CNOT3: variants seen among roughly 807,000 people sequenced by gnomAD.
CNOT3 encodes CCR4-NOT transcription complex subunit 3.
CNOT3 carries 2 observed loss-of-function variants against 89.4 expected under a neutral mutation model. The observed-to-expected ratio is 0.02, with a 90% CI of 0.01 to 0.07. CNOT3 has a LOEUF of 0.07. CNOT3 is among the 10% of genes least tolerant of loss of function. The pLI is 1.00. For missense variants in CNOT3, 664 were observed against 1,010.2 expected, an observed-to-expected ratio of 0.66 and a Z score of 4.65; for synonymous variants, 486 against 402.0, an observed-to-expected ratio of 1.21 and a Z score of -2.50.
chr19:54,142,812 C>G, intron 1 of CNOT3, 117 bp from the exon 2 acceptor site: 1 of 686,166 alleles, frequency 1.5e-6, no homozygotes. Context: ...TGTCAGATAG[C>G]AAATGCTTCT....
At chr19:54,142,840 C>A (rs1450094312) in intron 1 of CNOT3, 89 bp from the exon 2 acceptor site, 4 of 824,304 alleles carry the variant, frequency 4.9e-6, no homozygotes, top group South Asian at 2.8e-5. Context: ...ACCAGTCCCA[C>A]CTACCTCACT....
Position 54,152,864 on chromosome 19 carries a change from C to A in CNOT3, c.1905-3C>A. 1 of 1,397,566 alleles carries A rather than the reference C, an allele frequency of 7.2e-7. No individual in the cohort carries two copies. 86.6% of individuals were successfully genotyped at this position (1,397,566 alleles called of 1,614,324 possible). ...GGCACTGACCTTCCTGTTGCTCTCA[C>A]AGGCAGTACCTCCCCCGGAACCCCT... On this transcript the variant is annotated splice_polypyrimidine_tract_variant and splice_region_variant and intron_variant, in intron 15 of 17. Coordinates refer to ENST00000221232, the MANE Select transcript of CNOT3 (RefSeq NM_014516.4).
chr19:54,139,164 G>A (rs1257949637), intron 1 of CNOT3, among the ~76,000 whole-genome samples: 5 of 152,114 alleles, frequency 3.3e-5, no homozygotes, highest in Admixed American at 6.5e-5. Context: ...CACCCACCCC[G>A]GGGTGAGCTC....
chr19:54,146,635 C>A lies in CNOT3; in HGVS notation c.872C>A (p.Ser291Tyr). 6.4e-7 allele frequency: 1 copy of A among 1,569,908 alleles called. No homozygotes were observed. The highest frequency in any genetic ancestry group is 8.8e-7 in the Non-Finnish European group (1 of 1,139,802). ...NSEDDKKRGR[S>Y]TDSEVSQSPA... ...GAAGATGATAAGAAGAGGGGACGTT[C>A]CACAGACAGTGAAGTCAGCCAGGTG... The change falls in exon 10 of 18, where the codon TCC (serine) becomes TAC (tyrosine). Residue 291 changes from serine to tyrosine, a missense_variant. Ser to Tyr is a moderately radical substitution (Grantham distance 144, BLOSUM62 -2). Coordinates refer to ENST00000221232, the MANE Select transcript of CNOT3 (RefSeq NM_014516.4).
chr19:54,140,508 C>T (rs1395868264), intron 1 of CNOT3, among the ~76,000 whole-genome samples: 1 of 152,168 alleles, frequency 6.6e-6, no homozygotes, highest in African/African-American at 2.4e-5. Context: ...GACTCAGGCT[C>T]CAGCTTCCCT....
chr19:54,143,789 T>G, intron 5 of CNOT3, 40 bp downstream of exon 5: 1 of 1,590,048 alleles, frequency 6.3e-7, no homozygotes, highest in Middle Eastern at 1.8e-4. Context: ...GGTGGGAAGG[T>G]CACCAGATTC....
chr19:54,150,955 T>C (rs888213841), intron 13 of CNOT3, among the ~76,000 whole-genome samples: 1 of 151,964 alleles, frequency 6.6e-6, no homozygotes, highest in Non-Finnish European at 1.5e-5. Context: ...CACGCCAGGC[T>C]AATTTTTATA....
Position 54,145,171 on chromosome 19 carries a change from C to A in CNOT3, c.484-427C>A, listed in dbSNP as rs2074609562. On this transcript the variant is annotated intron_variant, in intron 7 of 17. Coordinates refer to ENST00000221232, the MANE Select transcript of CNOT3 (RefSeq NM_014516.4). The surrounding 1 kb of genome is among the most constrained non-coding windows in gnomAD (Gnocchi z 5.9). Reference sequence around the variant, plus strand: ...AGATATCACAATTCTAAACAGCAAGCTCCTCACAAATGGGGGTTATCATTG... The same window carrying A: ...AGATATCACAATTCTAAACAGCAAGATCCTCACAAATGGGGGTTATCATTG... Among the ~76,000 whole-genome samples the A allele has an allele frequency of 1.3e-5, 2 of 152,092 alleles. No individual in the cohort carries two copies. The highest frequency in any genetic ancestry group is 4.8e-5 in the African/African-American group (2 of 41,402).
chr19:54,154,144 G>A, intron 17 of CNOT3: 1 of 587,154 alleles, frequency 1.7e-6, no homozygotes. Context: ...ACTCGCCTGG[G>A]GTGTGGGATT....
intron 9 of CNOT3, 109 bp from the exon 10 acceptor site, chr19:54,146,492 C>A: frequency 1.3e-6 from 1 of 747,456 alleles, no homozygotes; most frequent in South Asian, 1.5e-5. Flanking sequence ...GCTCTGGGGC[C>A]GCAATGGCAG....
chr19:54,143,350 G>GT, intron 3 of CNOT3, 92 bp from the exon 4 acceptor site: 8 of 1,342,172 alleles, frequency 6.0e-6, no homozygotes, highest in Non-Finnish European at 7.4e-6. Context: ...GTTGGGGGGG[G>GT]TCCTCGAGTC....
chr19:54,142,722 A>G (rs1355422548), intron 1 of CNOT3: 9 of 591,446 alleles, frequency 1.5e-5, no homozygotes, highest in African/African-American at 3.7e-5. Context: ...TCTTGTTTCA[A>G]CAAACTTATG....
At chr19:54,153,535 C>T (rs376957148) in intron 16 of CNOT3, 180 bp from the exon 17 acceptor site, 4 of 779,068 alleles carry the variant, frequency 5.1e-6, no homozygotes, top group Non-Finnish European at 4.8e-6. Context: ...TCTCATTTTC[C>T]TTCTCCTGAT....
rs755451889 is a variant in CNOT3, at chr19:54,154,082, A to G, written c.2163+242A>G. The stretch of plus-strand genomic sequence containing the variant: ...AGCCCAAATGTCCCTTCCTCAAAGA[A>G]ACCTTCCTGGAGCCACCCAGCCCAG... On this transcript the variant is annotated intron_variant, in intron 17 of 17. Transcript: ENST00000221232. The G allele has an allele frequency of 2.6e-5, 18 of 700,160 alleles. No individual in the cohort carries two copies. In the East Asian group the frequency reaches 4.2e-4, roughly 16 times the overall value. 43.4% of individuals were successfully genotyped at this position (700,160 alleles called of 1,614,324 possible).
intron 16 of CNOT3, chr19:54,153,451 CCT>C (rs2075250976): frequency 1.3e-6 from 1 of 774,784 alleles, no homozygotes; most frequent in South Asian, 1.4e-5. Context: ...TAAATTGCCT[CCT>C]CTCTCAGCTC....
rs748810728 is a variant in CNOT3, at chr19:54,145,780, C to T, written c.666C>T (p.Asn222=). ...CCCAGGACCCCGACTTCGAGGAGAA[C>T]GAGTTTCTCTACGATGACCTGGACC... ...DSSQDPDFEE[N]EFLYDDLDLE... The change falls in exon 8 of 18, where the codon AAC becomes AAT. Residue 222 remains asparagine (N), a synonymous_variant. Coordinates refer to ENST00000221232, the MANE Select transcript of CNOT3 (RefSeq NM_014516.4). The surrounding 1 kb of genome is among the most constrained non-coding windows in gnomAD (Gnocchi z 5.9). 39 of 1,613,348 alleles carry T rather than the reference C, an allele frequency of 2.4e-5. No individual in the cohort carries two copies. The highest frequency in any genetic ancestry group is 2.1e-4 in the South Asian group (19 of 91,076).
intron 1 of CNOT3, among the ~76,000 whole-genome samples, chr19:54,139,726 C>T (rs2074372641): frequency 6.6e-6 from 1 of 152,124 alleles, no homozygotes; most frequent in South Asian, 2.1e-4. Flanking sequence ...GCATAGTTTC[C>T]TGGCTGTGTG....
intron 13 of CNOT3, 37 bp downstream of exon 13, chr19:54,149,795 T>C (rs1273074880): frequency 1.3e-6 from 2 of 1,543,728 alleles, no homozygotes; most frequent in South Asian, 1.2e-5. Context: ...CTCTGTGTCC[T>C]GACTCTGTTG....
At position 54,146,669 on chromosome 19, in the gene CNOT3, C is replaced by A; in HGVS notation, c.894+12C>A. ...GTGAAGTCAGCCAGGTGGGTGTGAG[C>A]CTGGACCGGGTGGGCACGCCATTCA... On this transcript the variant is annotated intron_variant, in intron 10 of 17. Transcript: ENST00000221232. 1 of 1,477,384 alleles carries A rather than the reference C, an allele frequency of 6.8e-7. No individual in the cohort carries two copies. Among genetic ancestry groups the A allele is most frequent in the Non-Finnish European group, 9.5e-7 (1 of 1,055,166 alleles). The allele number at this position is 1,477,384 out of a possible 1,614,324, so 91.5% of individuals were successfully genotyped here. A position where few individuals can be genotyped will look rare whatever the true frequency, so the allele number is the denominator to read the frequency against.
Sources: gnomAD v4.1 joint callset for allele counts (sites outside exome capture counted in the v4.1 genomes callset) on GRCh38, gnomAD v4.1.1 for gene constraint, Gnocchi (gnomAD v3.1) non-coding constraint, MANE v1.5 for transcripts, NCBI Gene and HGNC (gene_info 2026-07-23, HGNC 2026-07-21) for gene names.